Variants in MBD5 observed in about 807,000 individuals in gnomAD.
The protein encoded by MBD5 is methyl-CpG binding domain protein 5, also known as methyl-CpG-binding domain protein 5.
A neutral mutation model predicts 117.3 loss-of-function variants in MBD5; 13 were observed. The observed-to-expected ratio is 0.11, with a 90% CI of 0.07 to 0.18. The LOEUF is 0.18. MBD5 is among the 10% of genes least tolerant of loss of function. The pLI is 1.00. For synonymous variants in MBD5, 727 were observed against 766.4 expected, an observed-to-expected ratio of 0.95 and a Z score of 0.85; for missense variants, 1,879 against 2,093.8, an observed-to-expected ratio of 0.90 and a Z score of 2.00.
chr2:148,263,284 A>AT (rs1489911180), intron 3 of MBD5, among the ~76,000 whole-genome samples: 1 of 152,188 alleles, frequency 6.6e-6, no homozygotes, highest in African/African-American at 2.4e-5. Flanking sequence ...GCATGTTTAA[A>AT]TACACAGTGG....
rs184703910 is a variant in MBD5 at position 148,061,669 on chromosome 2, T to G, written c.-925+39985T>G. On this transcript the variant is annotated intron_variant, in intron 1 of 13. Transcript: ENST00000642680. ...GTGTGTCATCTGTGTGTGTAATACT[T>G]TGTCAACATCTCTATTTCCAAAGAC... Among the ~76,000 whole-genome samples, 188 of 151,958 alleles carry G rather than the reference T, an allele frequency of 1.2e-3. 1 individual carries two copies. The highest frequency in any genetic ancestry group is 3.4e-3 in the Middle Eastern group (1 of 294).
chr2:148,484,596 C>G (rs986487190), intron 9 of MBD5, among the ~76,000 whole-genome samples: 1 of 152,116 alleles, frequency 6.6e-6, no homozygotes, highest in Non-Finnish European at 1.5e-5. Context: ...AAACTAAATG[C>G]TTGTCTAGCA....
chr2:148,130,528 G>T (rs1382594769), intron 1 of MBD5, among the ~76,000 whole-genome samples: 2 of 149,304 alleles, frequency 1.3e-5, no homozygotes, highest in Non-Finnish European at 3.0e-5. Context: ...GTATTGGATG[G>T]TCTAACAAAA....
chr2:148,258,854 T>G (rs774121008), intron 3 of MBD5, among the ~76,000 whole-genome samples: 3 of 152,182 alleles, frequency 2.0e-5, no homozygotes, highest in Non-Finnish European at 2.9e-5. Context: ...CTTCCCCTTC[T>G]TTAAGGCGCA....
chr2:148,088,048 A>G (rs1007585081), intron 1 of MBD5, among the ~76,000 whole-genome samples: 10 of 152,166 alleles, frequency 6.6e-5, no homozygotes, highest in African/African-American at 1.2e-4. Context: ...GAAATGAAAG[A>G]TAGACTTAGA....
chr2:148,409,838 C>T (rs1020693199), intron 4 of MBD5, among the ~76,000 whole-genome samples: 1 of 152,144 alleles, frequency 6.6e-6, no homozygotes. Flanking sequence ...CACTTTTCTT[C>T]ACTTGACAGT....
At position 148,468,345 on chromosome 2, in the gene MBD5, A is replaced by G; in HGVS notation, c.402A>G (p.Ala134=). ...VLTSPGGGTN[A]TPVVPSRAAT... Reference sequence around the variant, plus strand: ...TTTTTTTCTCTTTCACATCAGATGCAACTCCAGTAGTACCTTCTCGGGCAG... The same window carrying G: ...TTTTTTTCTCTTTCACATCAGATGCGACTCCAGTAGTACCTTCTCGGGCAG... Residue 134 remains alanine, a synonymous_variant, in exon 8 of 14, where the codon GCA becomes GCG. Coordinates refer to ENST00000642680, the MANE Select transcript of MBD5 (RefSeq NM_001378120.1). 1 of 1,613,298 alleles carries G rather than the reference A, an allele frequency of 6.2e-7. No individual in the cohort carries two copies.
In MBD5 at chr2:148,266,504, A is replaced by G. The variant is rs114948942; in HGVS notation, c.-680+33109A>G. ...TGCCTGTTGTCATGCAAACTTGTCAACATTATACTAGAAGTTCTACCCAAT... is the reference window on the plus strand; with the variant it reads ...TGCCTGTTGTCATGCAAACTTGTCAGCATTATACTAGAAGTTCTACCCAAT... On this transcript the variant is annotated intron_variant, in intron 3 of 13. Transcript: ENST00000642680. 8.7e-3 allele frequency among the ~76,000 whole-genome samples: 1,327 copies of G among 152,216 alleles called. 13 individuals are homozygous for G. The highest frequency in any genetic ancestry group is 0.044 in the Middle Eastern group (13 of 294).
At chr2:148,131,613 G>A (rs1033232531) in intron 1 of MBD5, among the ~76,000 whole-genome samples, 1 of 152,166 alleles carries the variant, frequency 6.6e-6, no homozygotes, top group Non-Finnish European at 1.5e-5. Context: ...GGAGGATGAT[G>A]AGCCCAGGAG....
intron 4 of MBD5, among the ~76,000 whole-genome samples, chr2:148,345,063 C>T (rs1371395630): frequency 6.6e-6 from 1 of 151,560 alleles, no homozygotes; most frequent in African/African-American, 2.4e-5. Flanking sequence ...ACTTATTTAA[C>T]CATGGAATGC....
At chr2:148,509,455 A>T (rs1682144815) in intron 12 of MBD5, among the ~76,000 whole-genome samples, 1 of 152,198 alleles carries the variant, frequency 6.6e-6, no homozygotes, top group Admixed American at 6.5e-5. Context: ...GTCATTCTTT[A>T]TCTGTTCAAA....
In MBD5 at chr2:148,458,486, T is replaced by G. The variant is rs1378147599; in HGVS notation, c.-273T>G. The G allele has an allele frequency of 1.7e-6, 1 of 581,848 alleles. No homozygotes were observed. The highest frequency in any genetic ancestry group is 1.9e-5 in the African/African-American group (1 of 53,652). 36.0% of individuals were successfully genotyped at this position (581,848 alleles called of 1,614,324 possible). A position where few individuals can be genotyped will look rare whatever the true frequency, so the allele number is the denominator to read the frequency against. ...CAGCATTGGTGAATTATGATTTTCC[T>G]TAGTCAGAAGCACTCATTTTTACCC... On this transcript the variant is annotated 5_prime_UTR_variant, in exon 5 of 14. Coordinates refer to ENST00000642680, the MANE Select transcript of MBD5 (RefSeq NM_001378120.1).
At chr2:148,043,484 T>TAAAA (rs1553466305) in intron 1 of MBD5, among the ~76,000 whole-genome samples, 3 of 138,036 alleles carry the variant, frequency 2.2e-5, no homozygotes, top group Non-Finnish European at 4.7e-5. Context: ...AATAAATAAA[T>TAAAA]AAAAGAATAG....
chr2:148,437,524 A>G (rs577733624), intron 4 of MBD5, among the ~76,000 whole-genome samples: 1 of 152,100 alleles, frequency 6.6e-6, no homozygotes, highest in Non-Finnish European at 1.5e-5. Context: ...AATCTCAAAA[A>G]TATTATTCTG....
At chr2:148,427,927 A>G (rs1705856516) in intron 4 of MBD5, among the ~76,000 whole-genome samples, 1 of 152,136 alleles carries the variant, frequency 6.6e-6, no homozygotes, top group South Asian at 2.1e-4. Context: ...CCCTTTGAAA[A>G]CCGGCACAAG....
At position 148,399,968 on chromosome 2, in the gene MBD5, G is replaced by A. The variant is rs924493869; in HGVS notation, c.-557+57632G>A. ...TGCTGGATTACGTTTATTGATTTTC[G>A]TATGTTGAACCAGCCTTGCATCCCA... On this transcript the variant is annotated intron_variant, in intron 4 of 13. Coordinates refer to ENST00000642680, the MANE Select transcript of MBD5 (RefSeq NM_001378120.1). Among the ~76,000 whole-genome samples, 63 of 152,100 alleles carry A rather than the reference G, an allele frequency of 4.1e-4. 1 individual carries two copies. Among genetic ancestry groups the A allele is most frequent in the African/African-American group, 1.3e-3 (52 of 41,500 alleles).
intron 3 of MBD5, among the ~76,000 whole-genome samples, chr2:148,329,431 T>G (rs1332673337): frequency 6.6e-6 from 1 of 152,256 alleles, no homozygotes; most frequent in African/African-American, 2.4e-5. Flanking sequence ...TATGAAATCA[T>G]CTTTTTAAAA....
intron 1 of MBD5, among the ~76,000 whole-genome samples, chr2:148,104,311 G>GA (rs1574017876): frequency 6.6e-6 from 1 of 152,042 alleles, no homozygotes; most frequent in East Asian, 1.9e-4. Context: ...ATGCATACAT[G>GA]AAAAAAATGA....
intron 3 of MBD5, among the ~76,000 whole-genome samples, chr2:148,252,725 T>C (rs559805876): frequency 5.3e-5 from 8 of 152,218 alleles, no homozygotes; most frequent in South Asian, 2.1e-4. Flanking sequence ...AATTTTTGTA[T>C]TTTTTGTAGA....
Sources: allele counts gnomAD v4.1 joint callset (sites outside exome capture counted in the v4.1 genomes callset), GRCh38; gene constraint gnomAD v4.1.1; transcripts MANE v1.5; gene names NCBI Gene and HGNC (gene_info 2026-07-23, HGNC 2026-07-21).